Variants in PTPRT observed in about 807,000 individuals in gnomAD.
PTPRT encodes receptor-type tyrosine-protein phosphatase T.
Under a neutral mutation model 176.8 loss-of-function variants are expected in PTPRT, and 56 were observed. That is an observed-to-expected ratio of 0.32 (90% CI 0.26 to 0.40). The LOEUF (loss-of-function observed/expected upper bound fraction) is 0.40. Among genes scored for constraint, PTPRT ranks in the 10% least tolerant of loss-of-function variants. The pLI is 1.00. For synonymous variants in PTPRT, 783 were observed against 739.0 expected (o/e 1.06, Z -0.96); for missense variants, 1,540 against 1,908.2 (o/e 0.81, Z 3.60).
intron 17 of PTPRT, among the ~76,000 whole-genome samples, chr20:42,154,542 T>C (rs1410952397): frequency 6.6e-6 from 1 of 152,154 alleles, no homozygotes; most frequent in Non-Finnish European, 1.5e-5. Flanking sequence ...CTCACAGCTG[T>C]TCCTTGTTGC....
At position 42,832,506 on chromosome 20, in the gene PTPRT, TA is replaced by T. The variant is rs1270894858; in HGVS notation, c.215-41041del. Among the ~76,000 whole-genome samples, 8 of 148,958 alleles carry T rather than the reference TA, an allele frequency of 5.4e-5. No homozygotes were observed. In the East Asian group the frequency reaches 9.8e-4, roughly 18 times the overall value. ...CACACATACTCCTGAAACTAAAAGC[TA>T]AAAAAAAAGACATTTTGAAGAGCAT... On this transcript the variant is annotated intron_variant, in intron 2 of 30. Transcript: ENST00000373187.
intron 2 of PTPRT, among the ~76,000 whole-genome samples, chr20:42,878,834 C>A (rs978656194): frequency 3.9e-5 from 6 of 152,102 alleles, no homozygotes; most frequent in African/African-American, 1.4e-4. Context: ...TGAGACCATC[C>A]TGGCTAACAT....
chr20:42,559,158 A>T (rs2072909296), intron 7 of PTPRT, among the ~76,000 whole-genome samples: 1 of 152,122 alleles, frequency 6.6e-6, no homozygotes, highest in Non-Finnish European at 1.5e-5. Context: ...AATCTATATA[A>T]ATTTCTGCAA....
intron 1 of PTPRT, among the ~76,000 whole-genome samples, chr20:43,135,557 T>A (rs1027180660): frequency 6.6e-6 from 1 of 152,168 alleles, no homozygotes; most frequent in Non-Finnish European, 1.5e-5. Flanking sequence ...AAGCTCTCCA[T>A]GTGAACATTT....
intron 6 of PTPRT, chr20:42,686,121 CCT>C: frequency 6.6e-6 from 1 of 152,290 alleles, no homozygotes; most frequent in East Asian, 1.9e-4. Context: ...CAGTAGTTTA[CCT>C]GTTTCCTCAT....
At chr20:42,400,666 G>C (rs1485811032) in intron 9 of PTPRT, among the ~76,000 whole-genome samples, 1 of 152,094 alleles carries the variant, frequency 6.6e-6, no homozygotes, top group Non-Finnish European at 1.5e-5. Context: ...GGAAGCTCAT[G>C]GTGTATTGAG....
intron 15 of PTPRT, among the ~76,000 whole-genome samples, chr20:42,232,307 C>G (rs1285667255): frequency 6.6e-6 from 1 of 152,212 alleles, no homozygotes; most frequent in East Asian, 1.9e-4. Context: ...GAGGGTATTA[C>G]TTTTCCTATT....
At chr20:43,063,762 C>T (rs1987566309) in intron 1 of PTPRT, among the ~76,000 whole-genome samples, 1 of 152,262 alleles carries the variant, frequency 6.6e-6, no homozygotes, top group African/African-American at 2.4e-5. Context: ...ACAGTCATTG[C>T]CTAGACAGGA....
At chr20:42,108,447 ATAAT>A (rs927315181) in intron 23 of PTPRT, among the ~76,000 whole-genome samples, 19 of 146,736 alleles carry the variant, frequency 1.3e-4, no homozygotes, top group African/African-American at 3.4e-4. Context: ...GATGTTGATA[ATAAT>A]TAATAGATCC....
At chr20:42,246,781 C>CA (rs2056459300) in intron 14 of PTPRT, among the ~76,000 whole-genome samples, 2 of 152,312 alleles carry the variant, frequency 1.3e-5, no homozygotes, top group Admixed American at 1.3e-4. Context: ...TCAGGTCTAT[C>CA]AAAGAGGTAT....
chr20:42,906,531 G>A (rs916602304), intron 1 of PTPRT, among the ~76,000 whole-genome samples: 1 of 152,180 alleles, frequency 6.6e-6, no homozygotes, highest in Non-Finnish European at 1.5e-5. Flanking sequence ...ATAAGGCAGG[G>A]GGTCTAGTTG....
At position 42,758,237 on chromosome 20, in the gene PTPRT, C is replaced by A. The variant is rs56821145; in HGVS notation, c.685-1601G>T. Among the ~76,000 whole-genome samples the A allele has an allele frequency of 4.1e-3, 618 of 152,302 alleles. 7 individuals carry two copies. The highest frequency in any genetic ancestry group is 0.014 in the African/African-American group (586 of 41,550). On this transcript the variant is annotated intron_variant, in intron 5 of 30. Transcript: ENST00000373187. ...CCCTGAGTCTCCCAGTCTCGCAACG[C>A]GATCTTCATTGTTTCCTGCACCAAG...
chr20:42,084,832 T>C lies in PTPRT; in HGVS notation c.3986A>G (p.Tyr1329Cys), dbSNP rs1568910321. ...ICNMARPQDGYRIVQHLQYIG... is the reference protein window; with the variant it reads ...ICNMARPQDGCRIVQHLQYIG... ...GTACTGGAGGTGCTGGACTATACGA[T>C]AACCATCCTGTGGCTGAGAACAGAG... The change falls in exon 29 of 31, where the codon TAT becomes TGT. Residue 1329 changes from tyrosine (Y) to cysteine (C), a missense_variant. By Grantham distance (194) the Tyr-to-Cys change is radical. Around this residue, in one of 11 missense-constraint regions of PTPRT, gnomAD observed 342 missense variants for 394.0 expected, o/e 0.87. Transcript: ENST00000373187. 1.4e-6 allele frequency: 2 copies of C among 1,451,848 alleles called. No homozygotes were observed. The highest frequency in any genetic ancestry group is 1.4e-5 in the African/African-American group (1 of 71,106). 89.9% of individuals were successfully genotyped at this position (1,451,848 alleles called of 1,614,324 possible).
chr20:42,572,644 A>G (rs759575872), intron 7 of PTPRT, among the ~76,000 whole-genome samples: 1 of 151,718 alleles, frequency 6.6e-6, no homozygotes, highest in African/African-American at 2.4e-5. Context: ...CCCATACTGT[A>G]TTCTTCTCCT....
At chr20:43,167,671 T>C (rs909153637) in intron 1 of PTPRT, among the ~76,000 whole-genome samples, 11 of 152,176 alleles carry the variant, frequency 7.2e-5, no homozygotes, top group Admixed American at 7.2e-4. Flanking sequence ...GTAGCAAGAA[T>C]ATAGCAGATT....
intron 18 of PTPRT, among the ~76,000 whole-genome samples, chr20:42,135,015 C>A (rs544721475): frequency 6.6e-6 from 1 of 152,212 alleles, no homozygotes; most frequent in East Asian, 1.9e-4. Flanking sequence ...CTGGCAGTTG[C>A]GCCTGGATCC....
intron 1 of PTPRT, among the ~76,000 whole-genome samples, chr20:42,970,299 C>T (rs1982549705): frequency 6.6e-6 from 1 of 152,180 alleles, no homozygotes; most frequent in Non-Finnish European, 1.5e-5. Context: ...ACAACAATAA[C>T]ATCAGTCTTA....
chr20:43,106,624 T>G (rs1401527258), intron 1 of PTPRT, among the ~76,000 whole-genome samples: 1 of 120,190 alleles, frequency 8.3e-6, no homozygotes, highest in Non-Finnish European at 1.6e-5. Context: ...GCCATTGCAC[T>G]CCAGCCCAGG....
intron 7 of PTPRT, among the ~76,000 whole-genome samples, chr20:42,615,084 C>G (rs2074047956): frequency 1.1e-5 from 1 of 95,170 alleles, no homozygotes; most frequent in Non-Finnish European, 2.0e-5. Flanking sequence ...TATCCCTCCC[C>G]CCTCCCCCCA....
Sources: allele counts gnomAD v4.1 joint callset (sites outside exome capture counted in the v4.1 genomes callset), GRCh38; gene constraint gnomAD v4.1.1; regional missense constraint gnomAD v4.1.1; transcripts MANE v1.5; gene names NCBI Gene and HGNC (gene_info 2026-07-23, HGNC 2026-07-21).